The following TTN variants were observed in gnomAD, a reference collection of about 807,000 sequenced individuals.
TTN encodes the protein connectin.
A neutral mutation model predicts 3,223.0 loss-of-function variants in TTN; 1,525 were observed. That is an observed-to-expected ratio of 0.47 (90% CI 0.45 to 0.49). TTN has a LOEUF of 0.49. TTN is among the 20% of genes least tolerant of loss of function. The pLI is 0.00. For missense variants in TTN, 40,786 were observed against 43,424.0 expected, an observed-to-expected ratio of 0.94 and a Z score of 5.40; for synonymous variants, 14,094 against 15,161.0, an observed-to-expected ratio of 0.93 and a Z score of 5.17.
chr2:178,783,973 C>G lies in TTN; in HGVS notation c.2775+97G>C, dbSNP rs1025957732. ...GTCTTAGTATGGCAAAGGAGAAAGG[C>G]AAGACTCCACTGGCTACTTTTCAGT... On this transcript the variant is annotated intron_variant, in intron 16 of 362. Transcript: ENST00000589042. 32 of 1,593,560 alleles carry G rather than the reference C, an allele frequency of 2.0e-5. No homozygotes were observed. In the East Asian group the frequency reaches 5.4e-4, roughly 27 times the overall value.
chr2:178,541,159 T>TGTG, intron 350 of TTN, 123 bp downstream of exon 350: 1 of 936,742 alleles, frequency 1.1e-6, no homozygotes, highest in South Asian at 3.4e-5. Flanking sequence ...ACATTTTGAT[T>TGTG]GTGGTGGTGA....
rs777109269 is a variant in TTN at position 178,728,360 on chromosome 2, G to C, written c.19464C>G (p.Thr6488=). The change falls in exon 67 of 363, where the codon ACC becomes ACG. Residue 6488 remains threonine, a synonymous_variant. Transcript: ENST00000589042. ...NIPPSFTKKL[T]KMDKVLGSSI... is the part of the protein sequence containing the mutation. ...AAGAGCCCAGAACTTTATCCATTTTGGTTAATTTTTTGGTGAATGATGGAG... is the reference window on the plus strand; with the variant it reads ...AAGAGCCCAGAACTTTATCCATTTTCGTTAATTTTTTGGTGAATGATGGAG... 1.8e-5 allele frequency: 29 copies of C among 1,603,934 alleles called. No individual in the cohort carries two copies. Among genetic ancestry groups the C allele is most frequent in the Non-Finnish European group, 1.9e-5 (22 of 1,176,026 alleles).
chr2:178,558,891 A>C (rs761614583), intron 326 of TTN: 7 of 483,678 alleles, frequency 1.4e-5, no homozygotes, highest in Non-Finnish European at 2.5e-5. Flanking sequence ...TTTACTCCAA[A>C]TTCACCATGG....
intron 10 of TTN, among the ~76,000 whole-genome samples, chr2:178,791,679 GTGTGTGTGTGCA>G (rs1279974955): frequency 6.6e-6 from 1 of 151,668 alleles, no homozygotes; most frequent in East Asian, 1.9e-4. Context: ...GTGTGTGTGT[GTGTGTGTGTGCA>G]TGTGTGTGTG....
At chr2:178,796,667 G>A (rs2093786098) in intron 6 of TTN, among the ~76,000 whole-genome samples, 1 of 152,134 alleles carries the variant, frequency 6.6e-6, no homozygotes, top group Non-Finnish European at 1.5e-5. Context: ...AGAGACATGT[G>A]CTTTTAAGTT....
chr2:178,643,587 T>C (rs902805157), intron 218 of TTN, among the ~76,000 whole-genome samples: 3 of 151,944 alleles, frequency 2.0e-5, no homozygotes, highest in Admixed American at 6.6e-5. Context: ...AGTGAAAATA[T>C]ATCTGTGCAT....
Position 178,537,815 on chromosome 2 carries a change from TC to T in TTN, c.99391del (p.Asp33131ThrfsTer30). ...SCQIVGRPLP[D>X]IKWYRFGKEL... ...TTTACCAAATCTGTACCATTTAATG[TC>T]AGGAAGAGGCCTTCCAACAATCTGG... On this transcript the variant is annotated frameshift_variant, in exon 355 of 363. Transcript: ENST00000589042. LOFTEE classifies it high-confidence loss of function. The T allele has an allele frequency of 6.2e-7, 1 of 1,613,734 alleles. No individual in the cohort carries two copies. Among genetic ancestry groups the T allele is most frequent in the Non-Finnish European group, 8.5e-7 (1 of 1,179,744 alleles).
intron 203 of TTN, 21 bp downstream of exon 203, chr2:178,652,243 C>A (rs763848076): frequency 6.2e-7 from 1 of 1,613,298 alleles, no homozygotes. Flanking sequence ...ATATCAAACA[C>A]AGCACCATGA....
Position 178,717,810 on chromosome 2 carries a change from G to A in TTN, c.25064C>T (p.Ala8355Val), listed in dbSNP as rs2627043. Residue 8355 changes from alanine to valine, a missense_variant and splice_region_variant, in exon 87 of 363, where the codon GCG becomes GTG. Physicochemically the swap from Ala to Val is moderately conservative, Grantham distance 64. Transcript: ENST00000589042. ...VASSAVLVIK[A>V]RKLPPFFARK... The stretch of plus-strand genomic sequence containing the variant: ...TGCAAAGAAAGGTGGAAGTTTGCGC[G>A]CTGTAAAGAAGTTACAGATAATCCT... 5.0e-6 allele frequency: 8 copies of A among 1,601,054 alleles called. No individual in the cohort carries two copies. The highest frequency in any genetic ancestry group is 1.7e-5 in the Admixed American group (1 of 58,260).
At chr2:178,737,935 C>T in intron 49 of TTN, 147 bp downstream of exon 49, 1 of 883,274 alleles carries the variant, frequency 1.1e-6, no homozygotes, top group Non-Finnish European at 1.7e-6. Context: ...CCCATATAGG[C>T]TCTGCAGTAC....
At position 178,717,457 on chromosome 2, in the gene TTN, C is replaced by G; in HGVS notation, c.25351+66G>C. 3 of 1,560,306 alleles carry G rather than the reference C, an allele frequency of 1.9e-6. No homozygotes were observed. In the Admixed American group the frequency reaches 5.6e-5, roughly 29 times the overall value. ...ATACAGAGCAGAAACTAAATGGCAC[C>G]AGCCTTTTGGTGGCCTGGAGCAGTG... On this transcript the variant is annotated intron_variant, in intron 87 of 362. Transcript: ENST00000589042.
intron 34 of TTN, 38 bp from the exon 35 acceptor site, chr2:178,770,713 T>C (rs775401582): frequency 1.9e-6 from 3 of 1,600,328 alleles, no homozygotes; most frequent in Non-Finnish European, 2.5e-6. Context: ...AAAATATAGA[T>C]GACATCATCA....
In TTN at chr2:178,785,954, G is replaced by A. The variant is rs533384820; in HGVS notation, c.2264C>T (p.Ser755Leu). The change falls in exon 14 of 363, where the codon TCA (serine) becomes TTA (leucine). Residue 755 changes from serine to leucine, a missense_variant. Physicochemically the swap from Ser to Leu is moderately radical, Grantham distance 145 (BLOSUM62 -2). Coordinates refer to ENST00000589042, the MANE Select transcript of TTN (RefSeq NM_001267550.2). ...KVAEPPQRPA[S>L]EPHVVPKAVK... ...TGCTTTAGGGACAACGTGGGGTTCT[G>A]AGGCTGGACGTTGGGGAGGCTCAGC... The A allele has an allele frequency of 1.3e-4, 213 of 1,614,146 alleles. 1 individual carries two copies. The South Asian group carries it at 2.2e-3, about 16-fold the overall frequency.
intron 282 of TTN, 149 bp downstream of exon 282, chr2:178,603,727 C>T (rs2054069292): frequency 2.7e-6 from 2 of 727,552 alleles, no homozygotes; most frequent in Non-Finnish European, 4.2e-6. Context: ...TAAATATATA[C>T]TTCCGATAGT....
intron 127 of TTN, among the ~76,000 whole-genome samples, chr2:178,686,755 T>C (rs1341368980): frequency 6.6e-6 from 1 of 152,176 alleles, no homozygotes; most frequent in African/African-American, 2.4e-5. Context: ...TAAAAACATA[T>C]CTGCTCCTTA....
At chr2:178,620,134 CAGTT>C (rs1284523907) in intron 248 of TTN, 22 bp from the exon 249 acceptor site, 1 of 1,601,506 alleles carries the variant, frequency 6.2e-7, no homozygotes, top group African/African-American at 1.3e-5. Flanking sequence ...ATTGGATTAT[CAGTT>C]AGCTTGCAAT....
At chr2:178,688,555 C>T in intron 126 of TTN, 122 bp downstream of exon 126, 2 of 735,334 alleles carry the variant, frequency 2.7e-6, no homozygotes, top group South Asian at 1.7e-5. Context: ...CATTCTAATA[C>T]CAACATAAGG....
Position 178,729,458 on chromosome 2 carries a change from A to G in TTN, c.18698T>C (p.Leu6233Pro). The G allele has an allele frequency of 6.2e-7, 1 of 1,613,642 alleles. No homozygotes were observed. Among genetic ancestry groups the G allele is most frequent in the Non-Finnish European group, 8.5e-7 (1 of 1,179,644 alleles). Residue 6233 changes from leucine (L) to proline (P), a missense_variant, in exon 64 of 363, where the codon CTG (leucine) becomes CCG (proline). Leu to Pro is a moderately conservative substitution (Grantham distance 98). Transcript: ENST00000589042. ...TGTPPFEVTW[L>P]KNNREIRSSK... is the part of the protein sequence containing the mutation. The stretch of plus-strand genomic sequence containing the variant: ...GCTTCGAATTTCCCTGTTATTCTTC[A>G]GCCAAGTGACTTCAAACGGAGGTGT...
At chr2:178,597,134 A>G (rs2051912183) in intron 294 of TTN, among the ~76,000 whole-genome samples, 1 of 152,134 alleles carries the variant, frequency 6.6e-6, no homozygotes, top group African/African-American at 2.4e-5. Context: ...AGTTGCTTCT[A>G]TGAAAACTAT....
Sources: allele counts gnomAD v4.1 joint callset (sites outside exome capture counted in the v4.1 genomes callset), GRCh38; gene constraint gnomAD v4.1.1; transcripts MANE v1.5; gene names NCBI Gene and HGNC (gene_info 2026-07-23, HGNC 2026-07-21).